CD200R1: variants seen among roughly 807,000 people sequenced by gnomAD.
CD200R1 encodes the protein cell surface glycoprotein CD200 receptor 1.
CD200R1 carries 30 observed loss-of-function variants against 38.1 expected under a neutral mutation model. The observed-to-expected ratio is 0.79, with a 90% CI of 0.59 to 1.07. The LOEUF (loss-of-function observed/expected upper bound fraction) is 1.07, where lower values mean the gene tolerates loss of function less well. Ranked by LOEUF, CD200R1 falls within the 50% of genes least tolerant of loss-of-function variation. The pLI, the probability that CD200R1 is intolerant of heterozygous loss-of-function variation, is 0.00. For synonymous variants in CD200R1, 128 were observed against 152.1 expected, an observed-to-expected ratio of 0.84 and a Z score of 1.16; for missense variants, 372 against 415.4, an observed-to-expected ratio of 0.90 and a Z score of 0.91.
At chr3:112,938,666 A>G (rs558241856) in intron 2 of CD200R1, among the ~76,000 whole-genome samples, 2 of 152,108 alleles carry the variant, frequency 1.3e-5, no homozygotes, top group South Asian at 4.1e-4. Flanking sequence ...GCTGAATTCT[A>G]CCAAACTTTT....
rs1293304588 is a variant in CD200R1, at chr3:112,922,088, A to T, written c.*1589T>A. On this transcript the variant is annotated 3_prime_UTR_variant, in exon 8 of 8. Coordinates refer to ENST00000308611, the MANE Select transcript of CD200R1 (RefSeq NM_138806.4). ...TGGCTTGATCAAAATATCATGTGCC[A>T]AGTGTCATTAGATTAGCTTTACATC... is the stretch of plus-strand genomic sequence containing the variant. 6.6e-6 allele frequency: 1 copy of T among 152,014 alleles called. No homozygotes were observed. Among genetic ancestry groups the T allele is most frequent in the Non-Finnish European group, 1.5e-5 (1 of 67,948 alleles). 9.4% of individuals were successfully genotyped at this position (152,014 alleles called of 1,614,324 possible).
chr3:112,940,151 C>A (rs1259649719), intron 2 of CD200R1, among the ~76,000 whole-genome samples: 1 of 151,392 alleles, frequency 6.6e-6, no homozygotes, highest in African/African-American at 2.4e-5. Context: ...CTGCCTCTCA[C>A]CCCATACAAA....
intron 1 of CD200R1, among the ~76,000 whole-genome samples, chr3:112,967,638 A>T (rs1370470204): frequency 2.0e-5 from 3 of 152,218 alleles, no homozygotes. Context: ...AGACACTCTA[A>T]ATTACTGGCT....
chr3:112,946,065 G>C (rs75828819), intron 2 of CD200R1, among the ~76,000 whole-genome samples: 3,727 of 136,792 alleles, frequency 0.027, 189 homozygotes, highest in African/African-American at 0.094. Flanking sequence ...AGAACGAAAA[G>C]ATAAGCCACA....
Position 112,929,207 on chromosome 3 carries a change from T to A in CD200R1, c.503A>T (p.Tyr168Phe). The A allele has an allele frequency of 6.2e-7, 1 of 1,614,226 alleles. No individual in the cohort carries two copies. Among genetic ancestry groups the A allele is most frequent in the South Asian group, 1.1e-5 (1 of 91,086 alleles). ...VTPDGNFHRG[Y>F]HLQVLVTPEV... ...CTCCTTACCTAACACTTGGAGGTGATATCCACGATGGAAATTCCCATCAGG... is the reference window on the plus strand; with the variant it reads ...CTCCTTACCTAACACTTGGAGGTGAAATCCACGATGGAAATTCCCATCAGG... The change falls in exon 4 of 8, where the codon TAT becomes TTT. Residue 168 changes from tyrosine to phenylalanine, a missense_variant. Physicochemically the swap from Tyr to Phe is conservative, Grantham distance 22. Transcript: ENST00000308611.
chr3:112,973,564 C>T (rs886151628), intron 1 of CD200R1, among the ~76,000 whole-genome samples: 1 of 152,042 alleles, frequency 6.6e-6, no homozygotes, highest in African/African-American at 2.4e-5. Context: ...CACTGGGTTG[C>T]TGTGCAGATC....
At chr3:112,926,538 T>C (rs573650654) in intron 5 of CD200R1, among the ~76,000 whole-genome samples, 2 of 152,256 alleles carry the variant, frequency 1.3e-5, no homozygotes, top group East Asian at 3.9e-4. Context: ...ACATAGGAAT[T>C]TGAATGAGAA....
Position 112,928,816 on chromosome 3 carries a change from C to G in CD200R1, c.769G>C (p.Val257Leu). Residue 257 changes from valine (V) to leucine (L), a missense_variant and splice_region_variant, in exon 5 of 8, where the codon GTT becomes CTT. Physicochemically the swap from Val to Leu is conservative, Grantham distance 32. Coordinates refer to ENST00000308611, the MANE Select transcript of CD200R1 (RefSeq NM_138806.4). ...NKSLYIELLPVPGAKKSAKLY... is the reference protein window; with the variant it reads ...NKSLYIELLPLPGAKKSAKLY... ...AAATAAAACTAAAAGAATTACTGAC[C>G]AGGAAGTAGCTCTATGTACAGACTC... 1 of 1,599,418 alleles carries G rather than the reference C, an allele frequency of 6.3e-7. No homozygotes were observed. The highest frequency in any genetic ancestry group is 8.5e-7 in the Non-Finnish European group (1 of 1,171,000).
At chr3:112,962,833 T>C (rs1210385678) in intron 1 of CD200R1, among the ~76,000 whole-genome samples, 1 of 152,202 alleles carries the variant, frequency 6.6e-6, no homozygotes, top group Non-Finnish European at 1.5e-5. Context: ...CATTGCACTT[T>C]ACAAAAACAG....
intron 1 of CD200R1, among the ~76,000 whole-genome samples, chr3:112,953,833 CTT>C (rs376167946): frequency 1.3e-5 from 2 of 151,946 alleles, no homozygotes; most frequent in Admixed American, 1.3e-4. Context: ...GAGTCTCTCT[CTT>C]TTTTTCTCAA....
At chr3:112,969,017 C>G (rs1053008732) in intron 1 of CD200R1, among the ~76,000 whole-genome samples, 1 of 152,156 alleles carries the variant, frequency 6.6e-6, no homozygotes, top group African/African-American at 2.4e-5. Context: ...CACTCGCATT[C>G]TCAGACAAGA....
intron 7 of CD200R1, among the ~76,000 whole-genome samples, chr3:112,924,142 G>C (rs1940230714): frequency 6.6e-6 from 1 of 151,762 alleles, no homozygotes; most frequent in African/African-American, 2.4e-5. Context: ...GTTTGTGTAA[G>C]AGAAAAATAA....
chr3:112,924,646 C>G, intron 6 of CD200R1, 111 bp from the exon 7 acceptor site: 1 of 626,664 alleles, frequency 1.6e-6, no homozygotes, highest in Non-Finnish European at 2.2e-6. Context: ...TTGATAGAAG[C>G]CATAATAAAT....
chr3:112,948,707 AC>A (rs1359109953), intron 1 of CD200R1, among the ~76,000 whole-genome samples: 1 of 152,190 alleles, frequency 6.6e-6, no homozygotes, highest in Non-Finnish European at 1.5e-5. Flanking sequence ...AGGGTTGGGG[AC>A]CCGTGATATA....
At position 112,974,932 on chromosome 3, in the gene CD200R1, T is replaced by C; in HGVS notation, c.-75A>G. ...GGTACAGAAGGAACTGTGCGCATGG[T>C]GAGACCCTCTCTGGTCAACTTCTCA... is the stretch of plus-strand genomic sequence containing the variant. On this transcript the variant is annotated 5_prime_UTR_variant, in exon 1 of 8. Coordinates refer to ENST00000308611, the MANE Select transcript of CD200R1 (RefSeq NM_138806.4). The C allele has an allele frequency of 8.4e-7, 1 of 1,184,494 alleles. No individual in the cohort carries two copies. The highest frequency in any genetic ancestry group is 1.3e-6 in the Non-Finnish European group (1 of 797,140). The allele number at this position is 1,184,494 out of a possible 1,614,324, so 73.4% of individuals were successfully genotyped here.
chr3:112,952,044 CA>C (rs34215425), intron 1 of CD200R1, among the ~76,000 whole-genome samples: 67,350 of 136,224 alleles, frequency 0.49, 15,093 homozygotes, highest in South Asian at 0.53. Flanking sequence ...AAAAGAATAA[CA>C]AAAAAAAAAA....
intron 7 of CD200R1, 37 bp from the exon 8 acceptor site, chr3:112,923,836 A>T (rs573091379): frequency 1.5e-6 from 2 of 1,310,908 alleles, no homozygotes; most frequent in East Asian, 4.9e-5. Flanking sequence ...AATTCAAAAA[A>T]TCATCATAGA....
intron 1 of CD200R1, among the ~76,000 whole-genome samples, chr3:112,963,925 C>A (rs926362880): frequency 3.9e-5 from 6 of 152,264 alleles, no homozygotes; most frequent in African/African-American, 1.2e-4. Context: ...CTGTGTGCAG[C>A]CTAGGGACTT....
chr3:112,932,226 T>G (rs1940460466), intron 2 of CD200R1, among the ~76,000 whole-genome samples: 1 of 152,146 alleles, frequency 6.6e-6, no homozygotes, highest in Admixed American at 6.5e-5. Context: ...TAGTAGCCAC[T>G]GTACCTCTCC....
Sources: allele counts gnomAD v4.1 joint callset (sites outside exome capture counted in the v4.1 genomes callset), GRCh38; gene constraint gnomAD v4.1.1; transcripts MANE v1.5; gene names NCBI Gene and HGNC (gene_info 2026-07-23, HGNC 2026-07-21).